STARD13: variants seen among roughly 807,000 people sequenced by gnomAD.
STARD13 encodes stAR-related lipid transfer protein 13.
Under a neutral mutation model 106.4 loss-of-function variants are expected in STARD13, and 62 were observed. That is an observed-to-expected ratio of 0.58 (90% CI 0.48 to 0.72). The LOEUF is 0.72. STARD13 is among the 30% of genes least tolerant of loss of function. STARD13 has a pLI of 0.00. For synonymous variants in STARD13, 565 were observed against 553.0 expected (o/e 1.02, Z -0.31); for missense variants, 1,387 against 1,424.0 (o/e 0.97, Z 0.42).
the STARD13 span, among the ~76,000 whole-genome samples, chr13:33,670,030 G>T: frequency 6.6e-6 from 1 of 152,150 alleles, no homozygotes; most frequent in Non-Finnish European, 1.5e-5. Flanking sequence ...TAAATAAATA[G>T]AACTTTTGGA....
chr13:33,322,388 T>C (rs1397506727), intron 1 of STARD13, among the ~76,000 whole-genome samples: 2 of 152,242 alleles, frequency 1.3e-5, no homozygotes, highest in African/African-American at 4.8e-5. Flanking sequence ...TTTGTACCGT[T>C]CTCCACGCAG....
the STARD13 span, among the ~76,000 whole-genome samples, chr13:33,465,229 G>T: frequency 7.8e-6 from 1 of 128,916 alleles, no homozygotes; most frequent in South Asian, 2.4e-4. Flanking sequence ...TTTTTGAGAC[G>T]GCATCTCACT....
intron 7 of STARD13, among the ~76,000 whole-genome samples, chr13:33,124,174 C>A (rs777964525): frequency 1.3e-5 from 2 of 152,146 alleles, no homozygotes; most frequent in Non-Finnish European, 2.9e-5. Flanking sequence ...CTAGTTCTCC[C>A]CTTTTCCTTC....
chr13:33,399,942 C>T, the STARD13 span, among the ~76,000 whole-genome samples: 1 of 151,938 alleles, frequency 6.6e-6, no homozygotes, highest in African/African-American at 2.4e-5. Flanking sequence ...AAATATTTAA[C>T]CAGCATATAA....
intron 4 of STARD13, among the ~76,000 whole-genome samples, chr13:33,138,248 A>G (rs571149869): frequency 4.1e-4 from 62 of 152,170 alleles, no homozygotes; most frequent in Non-Finnish European, 7.9e-4. Flanking sequence ...TTTACTTTGA[A>G]TAGAAGCTGA....
chr13:33,117,222 C>A (rs1419856930), intron 8 of STARD13, among the ~76,000 whole-genome samples: 2 of 152,200 alleles, frequency 1.3e-5, no homozygotes, highest in Non-Finnish European at 2.9e-5. Flanking sequence ...GATTCTCCTG[C>A]CTCAGCCTCC....
intron 1 of STARD13, among the ~76,000 whole-genome samples, chr13:33,343,128 A>G (rs2077978926): frequency 6.6e-6 from 1 of 152,220 alleles, no homozygotes; most frequent in Non-Finnish European, 1.5e-5. Flanking sequence ...TAATGGAGCC[A>G]ACAGAGAACC....
At chr13:33,399,687 C>A in the STARD13 span, among the ~76,000 whole-genome samples, 6 of 86,728 alleles carry the variant, frequency 6.9e-5, no homozygotes, top group African/African-American at 2.3e-4. Context: ...GGAGACAGAG[C>A]AAGACTCTGT....
chr13:33,243,407 G>C (rs1889642669), intron 1 of STARD13, among the ~76,000 whole-genome samples: 1 of 152,202 alleles, frequency 6.6e-6, no homozygotes, highest in South Asian at 2.1e-4. Context: ...CCTGTGAGGA[G>C]TGTAGCTCCT....
the STARD13 span, among the ~76,000 whole-genome samples, chr13:33,438,529 T>C: frequency 6.6e-6 from 1 of 152,236 alleles, no homozygotes; most frequent in African/African-American, 2.4e-5. Flanking sequence ...AAATTATGCA[T>C]AGTTGATGCT....
At chr13:33,431,209 G>A in the STARD13 span, among the ~76,000 whole-genome samples, 4 of 151,968 alleles carry the variant, frequency 2.6e-5, no homozygotes, top group Middle Eastern at 3.4e-3. Flanking sequence ...TATCTATTGC[G>A]CATAGATAAA....
exon 2 of STARD13, chr13:33,349,084 G>A: frequency 2.9e-6 from 2 of 701,680 alleles, no homozygotes; most frequent in Non-Finnish European, 5.2e-6. Flanking sequence ...AGGAAAAAAG[G>A]GAGGAGTTCA....
chr13:33,583,701 C>T, the STARD13 span, among the ~76,000 whole-genome samples: 1 of 152,166 alleles, frequency 6.6e-6, no homozygotes, highest in African/African-American at 2.4e-5. Flanking sequence ...TGTTCAGGAA[C>T]CATTGCAGTG....
chr13:33,163,675 T>G (rs1278435232), intron 3 of STARD13, among the ~76,000 whole-genome samples: 1 of 104,822 alleles, frequency 9.5e-6, no homozygotes, highest in Non-Finnish European at 1.8e-5. Flanking sequence ...ATATAACATA[T>G]ATATAAAACA....
chr13:33,580,398 G>A, the STARD13 span, among the ~76,000 whole-genome samples: 1 of 152,198 alleles, frequency 6.6e-6, no homozygotes, highest in South Asian at 2.1e-4. Flanking sequence ...TAGTGGGGAG[G>A]GGAGAAGGGA....
chr13:33,128,925 C>G lies in STARD13; in HGVS notation c.1748+4G>C. The G allele has an allele frequency of 1.3e-6, 2 of 1,594,430 alleles. No individual in the cohort carries two copies. Among genetic ancestry groups the G allele is most frequent in the Non-Finnish European group, 1.7e-6 (2 of 1,171,962 alleles). On this transcript the variant is annotated splice_donor_region_variant and intron_variant, in intron 5 of 13. Coordinates refer to ENST00000336934, the MANE Select transcript of STARD13 (RefSeq NM_178006.4). Reference sequence around the variant, plus strand: ...AAATCATTTCACAAGTGCATGCCACCTACCTGTTTGGCCTGGTCAGAGAGG... The same window carrying G: ...AAATCATTTCACAAGTGCATGCCACGTACCTGTTTGGCCTGGTCAGAGAGG...
At chr13:33,352,244 A>G (rs1341271078), upstream of STARD13, among the ~76,000 whole-genome samples, 2 of 152,194 alleles carry the variant, frequency 1.3e-5, no homozygotes, top group East Asian at 3.8e-4. Flanking sequence ...ATGCATGCAG[A>G]GGTAACAAAA....
In STARD13 at chr13:33,331,267, C is replaced by G. The variant is rs138826294; in HGVS notation, c.124+19023G>C. ...TCCTTCTCCTTCCAGTGTAATTTCT[C>G]TCCTTTAAGGCTCAACTCAGAGACC... On this transcript the variant is annotated intron_variant, in intron 1 of 5. Transcript: ENST00000567873. Among the ~76,000 whole-genome samples, 498 of 152,296 alleles carry G rather than the reference C, an allele frequency of 3.3e-3. 3 individuals are homozygous for G. The highest frequency in any genetic ancestry group is 4.7e-3 in the Non-Finnish European group (321 of 68,034).
At chr13:33,110,581 G>T in intron 11 of STARD13, 105 bp downstream of exon 11, 2 of 932,970 alleles carry the variant, frequency 2.1e-6, no homozygotes, top group Non-Finnish European at 3.5e-6. Flanking sequence ...GTCCGCGTGT[G>T]TGCCAAGCCC....
Sources: allele counts gnomAD v4.1 joint callset (sites outside exome capture counted in the v4.1 genomes callset), GRCh38; gene constraint gnomAD v4.1.1; transcripts MANE v1.5; gene names NCBI Gene and HGNC (gene_info 2026-07-23, HGNC 2026-07-21).